PIGL: variants seen among roughly 807,000 people sequenced by gnomAD.
PIGL encodes N-acetylglucosaminyl-phosphatidylinositol de-N-acetylase.
PIGL carries 22 observed loss-of-function variants against 31.1 expected under a neutral mutation model. The ratio of observed to expected loss-of-function variants is 0.71; its 90% CI spans 0.51 to 1.01. The LOEUF (loss-of-function observed/expected upper bound fraction) is 1.01, where lower values mean the gene tolerates loss of function less well. PIGL is among the 50% of genes least tolerant of loss of function. The pLI is 0.00. For synonymous variants in PIGL, 131 were observed against 117.4 expected (o/e 1.12, Z -0.75); for missense variants, 302 against 315.9 (o/e 0.96, Z 0.33).
At chr17:16,311,933 C>A (rs1463774710) in intron 3 of PIGL, among the ~76,000 whole-genome samples, 1 of 152,176 alleles carries the variant, frequency 6.6e-6, no homozygotes, top group Non-Finnish European at 1.5e-5. Context: ...TCCACAAAAC[C>A]GCCATCGTCA....
At chr17:16,258,366 G>A (rs2092805890) in intron 2 of PIGL, among the ~76,000 whole-genome samples, 1 of 151,384 alleles carries the variant, frequency 6.6e-6, no homozygotes, top group African/African-American at 2.4e-5. Context: ...TTTTAGTAGA[G>A]ACGGCATTTT....
intron 1 of PIGL, chr17:16,218,054 A>G (rs1376364403): frequency 6.6e-6 from 1 of 152,290 alleles, no homozygotes; most frequent in Non-Finnish European, 1.5e-5. Context: ...TGCTTACCAT[A>G]GAGAAAAGAT....
chr17:16,323,460 C>G (rs1430760672), intron 6 of PIGL, among the ~76,000 whole-genome samples: 1 of 152,078 alleles, frequency 6.6e-6, no homozygotes, highest in Non-Finnish European at 1.5e-5. Flanking sequence ...TCTCGAACTC[C>G]TGACCTCAGG....
At chr17:16,315,981 C>T (rs530695835) in intron 4 of PIGL, among the ~76,000 whole-genome samples, 1 of 152,182 alleles carries the variant, frequency 6.6e-6, no homozygotes, top group Admixed American at 6.5e-5. Context: ...CAGGCGTGAG[C>T]CACCGCGCCC....
intron 6 of PIGL, among the ~76,000 whole-genome samples, chr17:16,318,546 C>G (rs1056577332): frequency 8.6e-5 from 13 of 151,760 alleles, no homozygotes; most frequent in African/African-American, 2.9e-4. Flanking sequence ...GCAGGGATTA[C>G]AGACATGATC....
At chr17:16,228,936 A>T (rs1450541327) in intron 1 of PIGL, among the ~76,000 whole-genome samples, 1 of 152,100 alleles carries the variant, frequency 6.6e-6, no homozygotes, top group African/African-American at 2.4e-5. Flanking sequence ...GCTAATTAGC[A>T]TACTGTTTTC....
At chr17:16,251,986 G>A (rs1272617465) in intron 2 of PIGL, among the ~76,000 whole-genome samples, 2 of 151,502 alleles carry the variant, frequency 1.3e-5, no homozygotes, top group African/African-American at 2.4e-5. Context: ...AACATATTAT[G>A]AAGAATCTAT....
intron 2 of PIGL, among the ~76,000 whole-genome samples, chr17:16,242,570 TG>T (rs1348234952): frequency 6.6e-6 from 1 of 152,020 alleles, no homozygotes; most frequent in Non-Finnish European, 1.5e-5. Flanking sequence ...CCTAAAGTTT[TG>T]TAGGTAAATC....
In PIGL at chr17:16,258,069, A is replaced by AAGAG. The variant is rs749459552; in HGVS notation, c.335+24029_335+24032dup. Among the ~76,000 whole-genome samples, 729 of 90,534 alleles carry AAGAG rather than the reference A, an allele frequency of 8.1e-3. 7 individuals are homozygous for AAGAG. The highest frequency in any genetic ancestry group is 0.015 in the African/African-American group (302 of 20,318). 59.4% of individuals were successfully genotyped at this position (90,534 alleles called of 152,430 possible). Reference sequence around the variant, plus strand: ...CAGGAGCAAAACTTTGTCAGAAAGAAAGAGAGAGAGAGAGAGAGAGAGAGA... The same window carrying AAGAG: ...CAGGAGCAAAACTTTGTCAGAAAGAAAGAGAGAGAGAGAGAGAGAGAGAGAGAGA... On this transcript the variant is annotated intron_variant, in intron 2 of 6. Transcript: ENST00000225609.
At chr17:16,267,469 C>T (rs547575957) in intron 2 of PIGL, among the ~76,000 whole-genome samples, 19 of 152,186 alleles carry the variant, frequency 1.2e-4, no homozygotes, top group South Asian at 4.1e-4. Flanking sequence ...AGTGGACCCA[C>T]GCAGTTCAAA....
intron 2 of PIGL, among the ~76,000 whole-genome samples, chr17:16,239,124 C>T (rs2092712207): frequency 6.6e-6 from 1 of 151,716 alleles, no homozygotes; most frequent in African/African-American, 2.4e-5. Flanking sequence ...TGCTTGAGGC[C>T]AGAAGTTCAA....
Position 16,217,370 on chromosome 17 carries a change from G to A in PIGL, c.144G>A (p.Ala48=), listed in dbSNP as rs762845028. Residue 48 remains alanine, a synonymous_variant, in exon 1 of 7, where the codon GCG becomes GCA. Transcript: ENST00000225609. ...AAAGCCGGACCCTGCTGGTCATAGC[G>A]CACCCTGACGATGAAGCCATGTTTT... The part of the protein sequence containing the change: ...GAESRTLLVI[A]HPDDEAMFFA... 10 of 1,614,076 alleles carry A rather than the reference G, an allele frequency of 6.2e-6. No homozygotes were observed. In the Admixed American group the frequency reaches 1.7e-4, roughly 27 times the overall value.
intron 2 of PIGL, among the ~76,000 whole-genome samples, chr17:16,259,826 G>A (rs2092811949): frequency 1.3e-5 from 2 of 152,168 alleles, no homozygotes; most frequent in South Asian, 4.1e-4. Flanking sequence ...TTCTGAGTTG[G>A]CAGGGCCAGT....
chr17:16,246,616 A>T (rs985696888), intron 2 of PIGL, among the ~76,000 whole-genome samples: 4 of 151,522 alleles, frequency 2.6e-5, no homozygotes, highest in African/African-American at 9.7e-5. Flanking sequence ...AGTGTGGCTT[A>T]AACAATAGAA....
At chr17:16,222,413 G>GA (rs2092633596) in intron 1 of PIGL, among the ~76,000 whole-genome samples, 1 of 151,872 alleles carries the variant, frequency 6.6e-6, no homozygotes, top group Non-Finnish European at 1.5e-5. Flanking sequence ...GAGAAGCAGG[G>GA]AAAAAATAAT....
At chr17:16,315,107 G>A (rs145712440) in intron 4 of PIGL, among the ~76,000 whole-genome samples, 15 of 152,282 alleles carry the variant, frequency 9.9e-5, no homozygotes, top group South Asian at 6.2e-4. Context: ...TAGAGAAGGC[G>A]TCATTCTGGG....
At position 16,253,930 on chromosome 17, in the gene PIGL, G is replaced by A. The variant is rs148271046; in HGVS notation, c.335+19860G>A. Reference sequence around the variant, plus strand: ...TGTACTCCCACTTAGGTGACAAAACGAGACTTTGTCTAAGTAAAAAAAAAA... The same window carrying A: ...TGTACTCCCACTTAGGTGACAAAACAAGACTTTGTCTAAGTAAAAAAAAAA... On this transcript the variant is annotated intron_variant, in intron 2 of 6. Coordinates refer to ENST00000225609, the MANE Select transcript of PIGL (RefSeq NM_004278.4). 8.8e-3 allele frequency among the ~76,000 whole-genome samples: 1,337 copies of A among 151,754 alleles called. 4 individuals carry two copies. Among genetic ancestry groups the A allele is most frequent in the Non-Finnish European group, 0.014 (922 of 67,940 alleles).
chr17:16,263,654 G>A (rs1442903415), intron 2 of PIGL, among the ~76,000 whole-genome samples: 1 of 150,874 alleles, frequency 6.6e-6, no homozygotes, highest in African/African-American at 2.4e-5. Flanking sequence ...CTCCCAAGTA[G>A]CTGGGACTAC....
At chr17:16,280,449 A>G (rs1042287606) in intron 2 of PIGL, among the ~76,000 whole-genome samples, 1 of 152,190 alleles carries the variant, frequency 6.6e-6, no homozygotes, top group Non-Finnish European at 1.5e-5. Flanking sequence ...GCTTACATAC[A>G]GTATTGGGTC....
Sources: allele counts gnomAD v4.1 joint callset (sites outside exome capture counted in the v4.1 genomes callset), GRCh38; gene constraint gnomAD v4.1.1; transcripts MANE v1.5; gene names NCBI Gene and HGNC (gene_info 2026-07-23, HGNC 2026-07-21).